LAMA3: variants seen among roughly 807,000 people sequenced by gnomAD.
LAMA3 encodes laminin subunit alpha-3.
A neutral mutation model predicts 402.0 loss-of-function variants in LAMA3; 281 were observed. The ratio of observed to expected loss-of-function variants is 0.70; its 90% CI spans 0.63 to 0.77. The LOEUF (loss-of-function observed/expected upper bound fraction) is 0.77. Ranked by LOEUF, LAMA3 falls within the 30% of genes least tolerant of loss-of-function variation. LAMA3 has a pLI of 0.00. For missense variants in LAMA3, 3,840 were observed against 4,215.5 expected (o/e 0.91, Z 2.47); for synonymous variants, 1,431 against 1,558.4 (o/e 0.92, Z 1.93).
chr18:23,823,636 A>G (rs1264155694), intron 20 of LAMA3, among the ~76,000 whole-genome samples: 1 of 152,178 alleles, frequency 6.6e-6, no homozygotes, highest in African/African-American at 2.4e-5. Flanking sequence ...CCTTGTCACC[A>G]GAACTTAGTT....
rs201107968 is a variant in LAMA3, at chr18:23,884,806, C to T, written c.5256C>T (p.Asp1752=). Residue 1752 remains aspartate (D), a synonymous_variant, in exon 41 of 75, where the codon GAC becomes GAT. Coordinates refer to ENST00000313654, the MANE Select transcript of LAMA3 (RefSeq NM_198129.4). Reference sequence around the variant, plus strand: ...CTGGCTGTGTGGTGAATGGGGGAGACGTGCGGTGCTCCTGCAAAGCTGGGT... The same window carrying T: ...CTGGCTGTGTGGTGAATGGGGGAGATGTGCGGTGCTCCTGCAAAGCTGGGT... The part of the protein sequence containing the change: ...FATGCVVNGG[D]VRCSCKAGYT... 31 of 1,613,766 alleles carry T rather than the reference C, an allele frequency of 1.9e-5. No homozygotes were observed. In the East Asian group the frequency reaches 2.5e-4, roughly 13 times the overall value.
At chr18:23,802,689 G>C (rs532843809) in intron 12 of LAMA3, among the ~76,000 whole-genome samples, 2 of 152,092 alleles carry the variant, frequency 1.3e-5, no homozygotes. Flanking sequence ...AAGACCTCTC[G>C]ACCACCAGAG....
chr18:23,751,927 G>A (rs982000409), intron 5 of LAMA3, among the ~76,000 whole-genome samples: 5 of 152,166 alleles, frequency 3.3e-5, no homozygotes, highest in African/African-American at 1.2e-4. Context: ...CAACCATAAA[G>A]TTCAGCTCCT....
At chr18:23,758,911 G>T (rs537446620) in intron 7 of LAMA3, among the ~76,000 whole-genome samples, 1 of 152,314 alleles carries the variant, frequency 6.6e-6, no homozygotes, top group East Asian at 1.9e-4. Context: ...TCTAAACAGG[G>T]AGCTGGGAGT....
At chr18:23,939,545 C>T (rs998718076) in intron 68 of LAMA3, among the ~76,000 whole-genome samples, 159 bp downstream of exon 68, 1 of 151,766 alleles carries the variant, frequency 6.6e-6, no homozygotes, top group Non-Finnish European at 1.5e-5. Flanking sequence ...GGACAGGGAG[C>T]GTGATTGCCT....
At chr18:23,810,573 A>G in intron 13 of LAMA3, 70 bp downstream of exon 13, 1 of 1,572,334 alleles carries the variant, frequency 6.4e-7, no homozygotes, top group Non-Finnish European at 8.7e-7. Context: ...CTCCCAGAGA[A>G]GCCTGCAAAT....
chr18:23,734,820 G>T (rs2061447166), intron 2 of LAMA3, among the ~76,000 whole-genome samples: 1 of 152,184 alleles, frequency 6.6e-6, no homozygotes, highest in South Asian at 2.1e-4. Flanking sequence ...AAGAAAAGAA[G>T]AAGCCAGAAA....
Position 23,954,671 on chromosome 18 carries a change from G to T in LAMA3, c.*23G>T, listed in dbSNP as rs1045900751. 1 of 1,613,548 alleles carries T rather than the reference G, an allele frequency of 6.2e-7. No individual in the cohort carries two copies. The highest frequency in any genetic ancestry group is 8.5e-7 in the Non-Finnish European group (1 of 1,179,590). On this transcript the variant is annotated 3_prime_UTR_variant, in exon 75 of 75. Coordinates refer to ENST00000313654, the MANE Select transcript of LAMA3 (RefSeq NM_198129.4). ...TAACCCAAGCCTATTTCACAGCAAG[G>T]AAATTCACCTTCAAAAGCACTGATT...
rs1200067283 is a variant in LAMA3, at chr18:23,777,581, C to T, written c.1430C>T (p.Thr477Ile). 1 of 1,611,238 alleles carries T rather than the reference C, an allele frequency of 6.2e-7. No individual in the cohort carries two copies. The highest frequency in any genetic ancestry group is 2.2e-5 in the East Asian group (1 of 44,890). ...GGAATTCCCATTTTTCCTGTTTCTACACCAAGTTCAGAAGATCCAGTAGCT... is the reference window on the plus strand; with the variant it reads ...GGAATTCCCATTTTTCCTGTTTCTATACCAAGTTCAGAAGATCCAGTAGCT... ...CLRIPIFPVS[T>I]PSSEDPVAGD... Residue 477 changes from threonine (T) to isoleucine (I), a missense_variant, in exon 11 of 75, where the codon ACA (threonine) becomes ATA (isoleucine). By Grantham distance (89) the Thr-to-Ile change is moderately conservative (BLOSUM62 -1). Transcript: ENST00000313654.
At chr18:23,828,639 G>C (rs1448554528) in intron 23 of LAMA3, among the ~76,000 whole-genome samples, 1 of 152,058 alleles carries the variant, frequency 6.6e-6, no homozygotes, top group Non-Finnish European at 1.5e-5. Flanking sequence ...CGTTGAGAAG[G>C]GGCAACCACC....
rs187228415 is a variant in LAMA3 at position 23,776,444 on chromosome 18, C to T, written c.1405+521C>T. Among the ~76,000 whole-genome samples the T allele has an allele frequency of 2.6e-5, 4 of 152,290 alleles. 1 individual carries two copies. Among genetic ancestry groups the T allele is most frequent in the Admixed American group, 2.6e-4 (4 of 15,304 alleles). On this transcript the variant is annotated intron_variant, in intron 10 of 74. Transcript: ENST00000313654. ...GTCAGAAACACTGTAGAGCATGAAACAGGAGAATCTGTGAAACCAGCTATG... is the reference window on the plus strand; with the variant it reads ...GTCAGAAACACTGTAGAGCATGAAATAGGAGAATCTGTGAAACCAGCTATG...
intron 19 of LAMA3, among the ~76,000 whole-genome samples, chr18:23,820,586 A>G (rs1487769486): frequency 6.6e-6 from 1 of 152,116 alleles, no homozygotes; most frequent in Non-Finnish European, 1.5e-5. Context: ...TATTAGAATG[A>G]GTAGGGGAAT....
rs1265983525 is a variant in LAMA3, at chr18:23,914,525, C to T, written c.7445C>T (p.Thr2482Ile). The change falls in exon 57 of 75, where the codon ACT (threonine) becomes ATT (isoleucine). Residue 2482 changes from threonine to isoleucine, a missense_variant. This residue lies in a region of LAMA3 where 891 missense variants were observed against 857.5 expected (regional missense o/e 1.04). Transcript: ENST00000313654. Reference sequence around the variant, plus strand: ...GACCAGATCTTGACCAAGAGTGAGACTAAGGAGGCAGTTATGGATCGGGTG... The same window carrying T: ...GACCAGATCTTGACCAAGAGTGAGATTAAGGAGGCAGTTATGGATCGGGTG... Reference protein sequence around the residue: ...QVDQILTKSETKEAVMDRVKF... With the variant: ...QVDQILTKSEIKEAVMDRVKF... The T allele has an allele frequency of 6.2e-7, 1 of 1,614,114 alleles. No homozygotes were observed.
At chr18:23,887,293 G>A (rs1024861759) in intron 41 of LAMA3, among the ~76,000 whole-genome samples, 3 of 152,128 alleles carry the variant, frequency 2.0e-5, no homozygotes, top group East Asian at 1.9e-4. Flanking sequence ...TCCAACCAGC[G>A]AGAAGGGAAG....
At position 23,949,875 on chromosome 18, in the gene LAMA3, T is replaced by G. The variant is rs2145559602; in HGVS notation, c.9462T>G (p.Pro3154=). ...GGGTGTCTTCCTGCTTGGGTGGTCC[T>G]TTGGAGAAAGGCATTTATTTCTCTG... is the stretch of plus-strand genomic sequence containing the variant. The part of the protein sequence containing the change: ...SFGVSSCLGG[P]LEKGIYFSEE... The change falls in exon 71 of 75, where the codon CCT becomes CCG. Residue 3154 remains proline (P), a synonymous_variant. Coordinates refer to ENST00000313654, the MANE Select transcript of LAMA3 (RefSeq NM_198129.4). The G allele has an allele frequency of 6.2e-7, 1 of 1,614,090 alleles. No homozygotes were observed.
chr18:23,948,329 C>T (rs2082781398), intron 70 of LAMA3, among the ~76,000 whole-genome samples: 1 of 152,172 alleles, frequency 6.6e-6, no homozygotes, highest in Non-Finnish European at 1.5e-5. Flanking sequence ...TCCCACATAT[C>T]CTTTTCAGGA....
chr18:23,880,442 G>A (rs1445078028), intron 39 of LAMA3, among the ~76,000 whole-genome samples: 1 of 152,232 alleles, frequency 6.6e-6, no homozygotes, highest in Admixed American at 6.5e-5. Flanking sequence ...TCAAAGGTTA[G>A]TGAAGGATGG....
chr18:23,928,698 A>G lies in LAMA3; in HGVS notation c.8369A>G (p.His2790Arg). 3.1e-6 allele frequency: 5 copies of G among 1,613,736 alleles called. No homozygotes were observed. Among genetic ancestry groups the G allele is most frequent in the Non-Finnish European group, 4.2e-6 (5 of 1,179,684 alleles). ...FTDLGLPPTD[H>R]LQASFGFQTF... ...GATTTGGGCTTACCACCTACTGACC[A>G]CCTCCAGGCCTCATTTGGATTTCAG... The change falls in exon 64 of 75, where the codon CAC becomes CGC. Residue 2790 changes from histidine (H) to arginine (R), a missense_variant. Transcript: ENST00000313654.
Position 23,918,989 on chromosome 18 carries a change from G to A in LAMA3, c.7924-1946G>A, listed in dbSNP as rs145808360. On this transcript the variant is annotated intron_variant, in intron 60 of 74. Transcript: ENST00000313654. This position sits in a 1 kb window ranked among gnomAD's most constrained non-coding sequence, Gnocchi z 4.1. ...AAGTCATCCAGCATCTTCAGGACAC[G>A]GCAGTTGTTTTACAAAACAAGGTCT... is the stretch of plus-strand genomic sequence containing the variant. 4.6e-5 allele frequency among the ~76,000 whole-genome samples: 7 copies of A among 152,284 alleles called. No homozygotes were observed. Among genetic ancestry groups the A allele is most frequent in the Non-Finnish European group, 8.8e-5 (6 of 68,024 alleles).
Sources: gnomAD v4.1 joint callset for allele counts (sites outside exome capture counted in the v4.1 genomes callset) on GRCh38, gnomAD v4.1.1 for gene constraint, gnomAD v4.1.1 regional missense constraint, Gnocchi (gnomAD v3.1) non-coding constraint, MANE v1.5 for transcripts, NCBI Gene and HGNC (gene_info 2026-07-23, HGNC 2026-07-21) for gene names.